The following LARGE1 variants were observed in gnomAD, a reference collection of about 807,000 sequenced individuals.
The protein encoded by LARGE1 is LARGE xylosyl- and glucuronyltransferase 1, also known as xylosyl- and glucuronyltransferase LARGE1.
LARGE1 carries 43 observed loss-of-function variants against 87.6 expected under a neutral mutation model. The observed-to-expected ratio is 0.49, with a 90% CI of 0.38 to 0.63. The LOEUF is 0.63. Among genes scored for constraint, LARGE1 ranks in the 30% least tolerant of loss-of-function variants. The probability of loss-of-function intolerance (pLI) is 0.00; values close to 1 mark genes in which losing one functional copy is unlikely to be tolerated. For synonymous variants in LARGE1, 434 were observed against 394.6 expected (o/e 1.10, Z -1.18); for missense variants, 802 against 1,000.2 (o/e 0.80, Z 2.67).
intron 2 of LARGE1, among the ~76,000 whole-genome samples, chr22:33,697,479 G>C (rs1072076): frequency 0.2 from 29,093 of 143,484 alleles, 2,935 homozygotes; most frequent in Admixed American, 0.27. Flanking sequence ...GGCGGATCAC[G>C]AGGTCAGGAG....
chr22:33,348,830 C>T (rs1191878943), intron 9 of LARGE1, among the ~76,000 whole-genome samples: 1 of 151,792 alleles, frequency 6.6e-6, no homozygotes, highest in Non-Finnish European at 1.5e-5. Flanking sequence ...AATTGTAGTG[C>T]CCATAATCTC....
chr22:33,757,890 G>C (rs981824719), intron 2 of LARGE1, among the ~76,000 whole-genome samples: 1 of 152,170 alleles, frequency 6.6e-6, no homozygotes, highest in Non-Finnish European at 1.5e-5. Context: ...GAGCTTCATG[G>C]AGGCATTGCC....
chr22:33,650,754 T>C, intron 2 of LARGE1, 86 bp from the exon 3 acceptor site: 1 of 1,462,136 alleles, frequency 6.8e-7, no homozygotes, highest in Non-Finnish European at 9.4e-7. Flanking sequence ...CCTTACTACA[T>C]GGCGAGGCTC....
upstream of LARGE1, chr22:33,922,773 T>A (rs1274715758): frequency 1.1e-4 from 16 of 152,252 alleles, no homozygotes. Flanking sequence ...CCAAGTCTTT[T>A]AGCTCGAAGG....
At chr22:33,664,162 C>T (rs980328479) in intron 2 of LARGE1, among the ~76,000 whole-genome samples, 7 of 152,198 alleles carry the variant, frequency 4.6e-5, no homozygotes, top group East Asian at 3.9e-4. Flanking sequence ...CCTGGCACAA[C>T]GTGTATACAC....
chr22:33,916,598 T>C (rs1040692973), intron 1 of LARGE1, among the ~76,000 whole-genome samples: 4 of 152,218 alleles, frequency 2.6e-5, no homozygotes, highest in African/African-American at 9.6e-5. Flanking sequence ...AAGGTGGCTG[T>C]ATCCCCGAGG....
chr22:33,158,843 T>C (rs1400576934), downstream of LARGE1, among the ~76,000 whole-genome samples: 2 of 152,188 alleles, frequency 1.3e-5, no homozygotes. Context: ...TAGGGTGGAA[T>C]TAGAAGTTAA....
At chr22:33,561,141 C>T (rs543270573) in intron 6 of LARGE1, among the ~76,000 whole-genome samples, 59 of 152,228 alleles carry the variant, frequency 3.9e-4, no homozygotes, top group Non-Finnish European at 5.6e-4. Flanking sequence ...GCTTCTAGCT[C>T]AGTGCCTAGA....
At chr22:33,658,523 G>A (rs1256275083) in intron 2 of LARGE1, among the ~76,000 whole-genome samples, 1 of 152,172 alleles carries the variant, frequency 6.6e-6, no homozygotes, top group African/African-American at 2.4e-5. Flanking sequence ...CCACTTATGA[G>A]TGAGAACATG....
intron 12 of LARGE1, among the ~76,000 whole-genome samples, 185 bp downstream of exon 12, chr22:33,304,044 T>C (rs1168386037): frequency 6.6e-6 from 1 of 152,272 alleles, no homozygotes; most frequent in East Asian, 1.9e-4. Flanking sequence ...GGTTTCAGTC[T>C]GTTCACTGAG....
chr22:33,337,617 T>C, intron 10 of LARGE1, 29 bp downstream of exon 10: 1 of 1,613,714 alleles, frequency 6.2e-7, no homozygotes, highest in East Asian at 2.2e-5. Flanking sequence ...AAGCCGCCCC[T>C]TCCCTGCCCA....
At chr22:33,198,951 T>C (rs76822727) in intron 11 of LARGE1, among the ~76,000 whole-genome samples, 4,592 of 152,246 alleles carry the variant, frequency 0.03, 94 homozygotes, top group Admixed American at 0.057. Context: ...TACTAAGTTA[T>C]ATTCCCACCA....
intron 11 of LARGE1, among the ~76,000 whole-genome samples, chr22:33,207,371 G>T (rs188783535): frequency 1.3e-5 from 2 of 152,324 alleles, no homozygotes; most frequent in Admixed American, 1.3e-4. Context: ...AGCTATTTCA[G>T]TGCTTCCAGA....
chr22:33,582,101 T>TG (rs1361168497), intron 5 of LARGE1, among the ~76,000 whole-genome samples: 2 of 152,132 alleles, frequency 1.3e-5, no homozygotes, highest in African/African-American at 4.8e-5. Flanking sequence ...TGGCAATACT[T>TG]GGAGACACTT....
At chr22:33,475,043 C>A (rs1200669395) in intron 6 of LARGE1, among the ~76,000 whole-genome samples, 1 of 152,144 alleles carries the variant, frequency 6.6e-6, no homozygotes, top group Middle Eastern at 3.2e-3. Context: ...ATCTACAGGA[C>A]ATGCACCAGG....
rs529974211 is a variant in LARGE1 at position 33,464,768 on chromosome 22, G to A, written c.788-32503C>T. On this transcript the variant is annotated intron_variant, in intron 6 of 14. Transcript: ENST00000397394. ...TCATCACTAGTAGGGGTGTAAACTG[G>A]AATAACCATTTTGGAAAATCACTGG... is the stretch of plus-strand genomic sequence containing the variant. Among the ~76,000 whole-genome samples the A allele has an allele frequency of 2.0e-5, 3 of 152,170 alleles. No individual in the cohort carries two copies. In the South Asian group the frequency reaches 6.2e-4, roughly 32 times the overall value.
At chr22:33,250,318 C>T (rs542050852) in intron 11 of LARGE1, among the ~76,000 whole-genome samples, 93 of 152,302 alleles carry the variant, frequency 6.1e-4, no homozygotes, top group African/African-American at 2.1e-3. Flanking sequence ...TAAAATCCCA[C>T]TTGTTCATTG....
chr22:33,203,322 G>C (rs1427112406), intron 11 of LARGE1, among the ~76,000 whole-genome samples: 2 of 152,102 alleles, frequency 1.3e-5, no homozygotes, highest in Non-Finnish European at 1.5e-5. Context: ...AGACAGCCTC[G>C]TGCAGGATAA....
chr22:33,552,859 A>T (rs1050958448), intron 6 of LARGE1, among the ~76,000 whole-genome samples: 34 of 152,228 alleles, frequency 2.2e-4, no homozygotes, highest in African/African-American at 8.0e-4. Context: ...CCTGCAAAAT[A>T]CTAGGTGAAT....
Sources: allele counts gnomAD v4.1 joint callset (sites outside exome capture counted in the v4.1 genomes callset), GRCh38; gene constraint gnomAD v4.1.1; transcripts MANE v1.5; gene names NCBI Gene and HGNC (gene_info 2026-07-23, HGNC 2026-07-21).